ANO10: variants seen among roughly 807,000 people sequenced by gnomAD.
ANO10 encodes the protein anoctamin 10.
ANO10 carries 77 observed loss-of-function variants against 74.7 expected under a neutral mutation model. That is an observed-to-expected ratio of 1.03 (90% CI 0.86 to 1.25). ANO10 has a LOEUF of 1.25. Among genes scored for constraint, ANO10 ranks in the 50% most tolerant of loss-of-function variants. The probability of loss-of-function intolerance (pLI) is 0.00; values close to 1 mark genes in which losing one functional copy is unlikely to be tolerated. For synonymous variants in ANO10, 279 were observed against 284.9 expected (o/e 0.98, Z 0.21); for missense variants, 721 against 778.1 (o/e 0.93, Z 0.87).
In ANO10 at chr3:43,644,076, C is replaced by T. The variant is rs147652306; in HGVS notation, c.-11-38213G>A. On this transcript the variant is annotated intron_variant, in intron 1 of 3. Transcript: ENST00000413397. ...AGGTAGTAAAGTTCACCAATCTTTC[C>T]CTGATTTTTTTGTTTGTTTGTTTGT... Among the ~76,000 whole-genome samples the T allele has an allele frequency of 1.3e-4, 20 of 151,886 alleles. No individual in the cohort carries two copies. In the East Asian group the frequency reaches 3.9e-3, roughly 29 times the overall value.
intron 1 of ANO10, among the ~76,000 whole-genome samples, chr3:43,648,837 C>T (rs766882668): frequency 1.7e-4 from 26 of 152,012 alleles, no homozygotes; most frequent in African/African-American, 4.8e-4. Flanking sequence ...CCACCACGTC[C>T]GGCTAATTTT....
intron 10 of ANO10, among the ~76,000 whole-genome samples, chr3:43,552,703 T>G (rs1158336211): frequency 1.1e-4 from 3 of 27,354 alleles, no homozygotes; most frequent in African/African-American, 2.1e-4. Context: ...TCTGGATATA[T>G]ATATATATAT....
chr3:43,639,744 C>A (rs556688555), intron 1 of ANO10, among the ~76,000 whole-genome samples: 1 of 151,124 alleles, frequency 6.6e-6, no homozygotes, highest in East Asian at 1.9e-4. Context: ...CCACAGCACT[C>A]CAGCCTGGCG....
Position 43,680,555 on chromosome 3 carries a change from A to G in ANO10, c.-12+10962T>C, listed in dbSNP as rs144539716. Among the ~76,000 whole-genome samples, 423 of 152,346 alleles carry G rather than the reference A, an allele frequency of 2.8e-3. 4 individuals carry two copies. The highest frequency in any genetic ancestry group is 9.7e-3 in the African/African-American group (405 of 41,580). On this transcript the variant is annotated intron_variant, in intron 1 of 3. Transcript: ENST00000413397. ...TTCCCCAGTCTAGCAAGGCAGGCCA[A>G]TATTCAAATTCAGGAAATACAGAGA...
At chr3:43,675,525 C>G (rs1416513493) in intron 1 of ANO10, among the ~76,000 whole-genome samples, 2 of 152,052 alleles carry the variant, frequency 1.3e-5, no homozygotes, top group Non-Finnish European at 2.9e-5. Flanking sequence ...ATAAAGAATT[C>G]TCAAAACTCA....
At chr3:43,663,132 G>A (rs899948779) in intron 1 of ANO10, among the ~76,000 whole-genome samples, 9 of 152,110 alleles carry the variant, frequency 5.9e-5, no homozygotes, top group South Asian at 4.1e-4. Flanking sequence ...ACATTGATGC[G>A]AAAATCCTCA....
At chr3:43,523,110 G>A (rs2078031594) in intron 11 of ANO10, among the ~76,000 whole-genome samples, 1 of 152,182 alleles carries the variant, frequency 6.6e-6, no homozygotes, top group African/African-American at 2.4e-5. Flanking sequence ...GATGACTCAT[G>A]TATATTACAC....
intron 11 of ANO10, among the ~76,000 whole-genome samples, chr3:43,539,018 TA>T (rs1453109286): frequency 6.6e-6 from 1 of 152,218 alleles, no homozygotes; most frequent in African/African-American, 2.4e-5. Flanking sequence ...GAATAAAATG[TA>T]AATGGGCTAT....
At chr3:43,616,057 G>T (rs1229396677) in intron 1 of ANO10, among the ~76,000 whole-genome samples, 1 of 152,146 alleles carries the variant, frequency 6.6e-6, no homozygotes, top group Non-Finnish European at 1.5e-5. Flanking sequence ...TTAAAATGTG[G>T]TTTGTTCTGA....
intron 12 of ANO10, among the ~76,000 whole-genome samples, chr3:43,370,054 C>T (rs1303409131): frequency 1.3e-5 from 2 of 152,118 alleles, no homozygotes; most frequent in Non-Finnish European, 2.9e-5. Flanking sequence ...GGGGGTCATG[C>T]GACGTACAAC....
chr3:43,669,442 C>T (rs1575587038), intron 1 of ANO10, among the ~76,000 whole-genome samples: 2 of 152,080 alleles, frequency 1.3e-5, no homozygotes, highest in Admixed American at 1.3e-4. Context: ...ATTGAGTCTC[C>T]AGCAATTTGT....
At chr3:43,624,037 G>A (rs529502945), upstream of ANO10, among the ~76,000 whole-genome samples, 7 of 152,214 alleles carry the variant, frequency 4.6e-5, no homozygotes, top group South Asian at 1.5e-3. Flanking sequence ...AAAATGAATG[G>A]AAATATAAAA....
chr3:43,576,933 G>A lies in ANO10; in HGVS notation c.921C>T (p.Ser307=), dbSNP rs748978132. The change falls in exon 6 of 13, where the codon AGC becomes AGT. Residue 307 remains serine, a synonymous_variant. Transcript: ENST00000292246. ...ITGKEEPLYP[S]YKRQLRIYLV... ...GGTAAATGCGCAACTGTCTCTTGTA[G>A]CTGGGGTACAGAGGCTCCTCCTTCC... 6.2e-7 allele frequency: 1 copy of A among 1,614,174 alleles called. No individual in the cohort carries two copies. The highest frequency in any genetic ancestry group is 1.1e-5 in the South Asian group (1 of 91,072).
intron 8 of ANO10, among the ~76,000 whole-genome samples, chr3:43,562,459 A>AAAAAAAAAAAAC (rs2080091847): frequency 6.8e-6 from 1 of 146,846 alleles, no homozygotes; most frequent in African/African-American, 2.5e-5. Context: ...CTCAAACAAA[A>AAAAAAAAAAAAC]AAAAAAAAAA....
At chr3:43,519,970 C>A (rs536377204) in intron 11 of ANO10, among the ~76,000 whole-genome samples, 1 of 152,096 alleles carries the variant, frequency 6.6e-6, no homozygotes, top group African/African-American at 2.4e-5. Context: ...TAACCAATGG[C>A]AACCTCCTTG....
chr3:43,609,167 A>C, intron 1 of ANO10, among the ~76,000 whole-genome samples: 1 of 152,222 alleles, frequency 6.6e-6, no homozygotes, highest in East Asian at 1.9e-4. Flanking sequence ...TTAAGCTCAT[A>C]GTAAGCAAGA....
At chr3:43,504,596 G>A (rs2077225788) in intron 11 of ANO10, among the ~76,000 whole-genome samples, 1 of 151,884 alleles carries the variant, frequency 6.6e-6, no homozygotes, top group Admixed American at 6.6e-5. Flanking sequence ...TAGTTTAGAG[G>A]AAAAAGCCTT....
intron 7 of ANO10, 74 bp downstream of exon 7, chr3:43,574,735 T>C: frequency 8.5e-7 from 1 of 1,182,172 alleles, no homozygotes; most frequent in Admixed American, 1.8e-5. Flanking sequence ...CAACTCTTCA[T>C]ATTTGTATTC....
chr3:43,517,766 C>T (rs888289290), intron 11 of ANO10, among the ~76,000 whole-genome samples: 13 of 152,180 alleles, frequency 8.5e-5, no homozygotes, highest in African/African-American at 3.1e-4. Context: ...GCATCTCATG[C>T]AGATCATCAT....
Sources: gnomAD v4.1 joint callset for allele counts (sites outside exome capture counted in the v4.1 genomes callset) on GRCh38, gnomAD v4.1.1 for gene constraint, MANE v1.5 for transcripts, NCBI Gene and HGNC (gene_info 2026-07-23, HGNC 2026-07-21) for gene names.